Variants in AGAP2 observed in about 807,000 individuals in gnomAD.
The protein encoded by AGAP2 is ArfGAP with GTPase domain, ankyrin repeat and PH domain 2.
Under a neutral mutation model 110.9 loss-of-function variants are expected in AGAP2, and 32 were observed. The ratio of observed to expected loss-of-function variants is 0.29; its 90% confidence interval spans 0.22 to 0.39. The LOEUF is 0.39. Ranked by LOEUF, AGAP2 falls within the 10% of genes least tolerant of loss-of-function variation. The probability of loss-of-function intolerance (pLI) is 1.00; values close to 1 mark genes in which losing one functional copy is unlikely to be tolerated. For missense variants in AGAP2, 1,285 were observed against 1,638.5 expected (o/e 0.78, Z 3.72); for synonymous variants, 702 against 713.0 (o/e 0.98, Z 0.25).
At chr12:57,735,519 ACC>A in intron 1 of AGAP2, 92 bp from the exon 2 acceptor site, 1 of 1,046,716 alleles carries the variant, frequency 9.6e-7, no homozygotes, top group Non-Finnish European at 1.4e-6. Flanking sequence ...CAGCTTTCCA[ACC>A]CCCCCCCAAC....
rs2140363951 is a variant in AGAP2, at chr12:57,735,151, AG to A, written c.1227+217del. ...GGAGGACCATGAACAAACAGGAAAA[AG>A]GGGATGGCTGCATAAAGACTAGATA... On this transcript the variant is annotated intron_variant, in intron 2 of 18. Coordinates refer to ENST00000547588, the MANE Select transcript of AGAP2 (RefSeq NM_001122772.3). Among the ~76,000 whole-genome samples, 4 of 152,238 alleles carry A rather than the reference AG, an allele frequency of 2.6e-5. No homozygotes were observed. The South Asian group carries it at 8.3e-4, about 32-fold the overall frequency.
chr12:57,735,296 G>T, intron 2 of AGAP2, 73 bp downstream of exon 2: 2 of 1,366,626 alleles, frequency 1.5e-6, no homozygotes, highest in Non-Finnish European at 2.1e-6. Flanking sequence ...AAGGAGAGGT[G>T]AAGGGAGAGA....
At chr12:57,724,760 C>T (rs1954734090), downstream of AGAP2, 1 of 152,250 alleles carries the variant, frequency 6.6e-6, no homozygotes, top group Non-Finnish European at 1.5e-5. Flanking sequence ...GCCCTCTGAA[C>T]AGATACTGTT....
chr12:57,727,591 G>A lies in AGAP2; in HGVS notation c.2858-9C>T. 6.3e-7 allele frequency: 1 copy of A among 1,599,084 alleles called. No individual in the cohort carries two copies. ...GCTGGCCCACGTGGGGTCTGCGGAA[G>A]GAGCGTAGAGGTCGGCTCCCAGCCG... On this transcript the variant is annotated splice_polypyrimidine_tract_variant and intron_variant, in intron 16 of 18. Transcript: ENST00000547588.
intron 2 of AGAP2, 98 bp downstream of exon 2, chr12:57,735,269 AAG>A (rs796791021): frequency 0.042 from 39,233 of 936,290 alleles, no homozygotes; most frequent in South Asian, 0.066. Context: ...CCTATTCCCA[AAG>A]AGAGAGAGAG....
chr12:57,741,847 G>A (rs1434747703), upstream of AGAP2: 1 of 1,564,176 alleles, frequency 6.4e-7, no homozygotes, highest in East Asian at 2.3e-5. Context: ...ATATGATACA[G>A]CTAAACCTTC....
upstream of AGAP2, among the ~76,000 whole-genome samples, chr12:57,740,529 G>A (rs1955064615): frequency 6.6e-6 from 1 of 152,124 alleles, no homozygotes; most frequent in South Asian, 2.1e-4. Flanking sequence ...AGCCTTCTCA[G>A]GGATTTCCAC....
chr12:57,740,960 G>A (rs567982007), upstream of AGAP2, among the ~76,000 whole-genome samples: 2 of 152,338 alleles, frequency 1.3e-5, no homozygotes, highest in African/African-American at 4.8e-5. Context: ...AGGTAACAAT[G>A]GAGAAGACTG....
rs1252554297 is a variant in AGAP2 at position 57,727,436 on chromosome 12, T to C, written c.3004A>G (p.Ile1002Val). ...PRELTLVLTAIGNDTANRVWE... is the reference protein window; with the variant it reads ...PRELTLVLTAVGNDTANRVWE... ...ACGCGGTTGGCCGTGTCGTTGCCAA[T>C]AGCCGTCAGCACCAGGGTCAGCTCC... Residue 1002 changes from isoleucine to valine, a missense_variant, in exon 17 of 19, where the codon ATT becomes GTT. Ile to Val is a conservative substitution (Grantham distance 29). Around this residue, in one of 7 missense-constraint regions of AGAP2, gnomAD observed 17 missense variants for 56.4 expected, o/e 0.30. Coordinates refer to ENST00000547588, the MANE Select transcript of AGAP2 (RefSeq NM_001122772.3). The C allele has an allele frequency of 3.1e-6, 5 of 1,613,602 alleles. No individual in the cohort carries two copies. The Admixed American group carries it at 6.7e-5, about 22-fold the overall frequency.
In AGAP2 at chr12:57,729,742, G is replaced by A. The variant is rs1954848587; in HGVS notation, c.2454C>T (p.Ser818=). Residue 818 remains serine (S), a synonymous_variant, in exon 13 of 19, where the codon AGC becomes AGT. Transcript: ENST00000547588. ...STDCTPSGDL[S]PLSREPPPSP... is the part of the protein sequence containing the mutation. The stretch of plus-strand genomic sequence containing the variant: ...AAGGAGGGGGTTCCCGACTCAGGGG[G>A]CTCAGGTCTCCAGATGGGGTACAGT... The A allele has an allele frequency of 6.2e-7, 1 of 1,613,474 alleles. No homozygotes were observed. The highest frequency in any genetic ancestry group is 8.5e-7 in the Non-Finnish European group (1 of 1,179,658).
chr12:57,738,693 G>T lies in AGAP2; in HGVS notation c.-447C>A, dbSNP rs1277265648. Among the ~76,000 whole-genome samples, 1 of 152,026 alleles carries T rather than the reference G, an allele frequency of 6.6e-6. No homozygotes were observed. Among genetic ancestry groups the T allele is most frequent in the Non-Finnish European group, 1.5e-5 (1 of 67,968 alleles). ...GGGGAATTGGGACTCAAGGGACAGG[G>T]GCCGCGGATGCGGTCGGAAAGAGGG... On this transcript the variant is annotated 5_prime_UTR_variant, in exon 1 of 19. Transcript: ENST00000547588. This position sits in a 1 kb window ranked among gnomAD's most constrained non-coding sequence, Gnocchi z 6.7.
At chr12:57,736,666 C>A (rs958466485) in intron 1 of AGAP2, among the ~76,000 whole-genome samples, 7 of 152,256 alleles carry the variant, frequency 4.6e-5, no homozygotes, top group African/African-American at 1.7e-4. Context: ...GCCACCTGCC[C>A]CAAGTGCTCA....
intron 11 of AGAP2, 75 bp from the exon 12 acceptor site, chr12:57,730,689 C>G (rs1018689204): frequency 6.2e-7 from 1 of 1,605,498 alleles, no homozygotes; most frequent in Non-Finnish European, 8.5e-7. Flanking sequence ...TCTTTATCAC[C>G]CAGCTTCCTA....
rs778311520 is a variant in AGAP2, at chr12:57,729,731, C to T, written c.2465G>A (p.Arg822Gln). ...TPSGDLSPLS[R>Q]EPPPSPMVKK... ...CACCATGGGAGAAGGAGGGGGTTCC[C>T]GACTCAGGGGGCTCAGGTCTCCAGA... Residue 822 changes from arginine (R) to glutamine (Q), a missense_variant, in exon 13 of 19, where the codon CGG becomes CAG. Physicochemically the swap from Arg to Gln is conservative, Grantham distance 43. This residue lies in a region of AGAP2 where 135 missense variants were observed against 182.0 expected (regional missense o/e 0.74). Coordinates refer to ENST00000547588, the MANE Select transcript of AGAP2 (RefSeq NM_001122772.3). 2.6e-5 allele frequency: 42 copies of T among 1,613,462 alleles called. No homozygotes were observed. The highest frequency in any genetic ancestry group is 6.6e-5 in the South Asian group (6 of 91,052).
At chr12:57,734,507 T>C (rs898678398) in intron 3 of AGAP2, 85 bp downstream of exon 3, 1 of 1,587,096 alleles carries the variant, frequency 6.3e-7, no homozygotes, top group South Asian at 1.1e-5. Flanking sequence ...CCTTCCCCCC[T>C]GGTCTCCACA....
At chr12:57,741,448 C>T (rs1295014535), upstream of AGAP2, among the ~76,000 whole-genome samples, 1 of 152,040 alleles carries the variant, frequency 6.6e-6, no homozygotes, top group African/African-American at 2.4e-5. Context: ...CTTCAATGTG[C>T]ATGCGTGTGT....
chr12:57,727,043 TG>T lies in AGAP2; in HGVS notation c.3266del (p.Pro1089HisfsTer207). On this transcript the variant is annotated frameshift_variant, in exon 18 of 19. Coordinates refer to ENST00000547588, the MANE Select transcript of AGAP2 (RefSeq NM_001122772.3). LOFTEE classifies it high-confidence loss of function. ...CCAGGTGGAGTGGGGAGCGCAGCTG[TG>T]GGTCCTCTACGCTGGTGTCGAGCGG... is the stretch of plus-strand genomic sequence containing the variant. ...HGPLDTSVED[P>X]QLRSPLHLAA... The T allele has an allele frequency of 6.2e-7, 1 of 1,608,564 alleles. No homozygotes were observed. Among genetic ancestry groups the T allele is most frequent in the Non-Finnish European group, 8.5e-7 (1 of 1,178,322 alleles).
intron 5 of AGAP2, among the ~76,000 whole-genome samples, chr12:57,733,759 G>C (rs940906681): frequency 6.6e-6 from 1 of 152,204 alleles, no homozygotes; most frequent in East Asian, 1.9e-4. Flanking sequence ...CAGAACACAA[G>C]GTAGGTGACA....
At chr12:57,733,185 C>CTGTGTGTGTGTG (rs35371569) in intron 5 of AGAP2, among the ~76,000 whole-genome samples, 1 of 146,572 alleles carries the variant, frequency 6.8e-6, no homozygotes, top group African/African-American at 2.5e-5. Context: ...GCTGGGTGAG[C>CTGTGTGTGTGTG]TGTGTGTGTG....
Sources: gnomAD v4.1 joint callset for allele counts (sites outside exome capture counted in the v4.1 genomes callset) on GRCh38, gnomAD v4.1.1 for gene constraint, gnomAD v4.1.1 regional missense constraint, Gnocchi (gnomAD v3.1) non-coding constraint, MANE v1.5 for transcripts, NCBI Gene and HGNC (gene_info 2026-07-23, HGNC 2026-07-21) for gene names.